Variants in SPIRE1 observed in about 807,000 individuals in gnomAD.
The protein encoded by SPIRE1 is protein spire homolog 1.
Under a neutral mutation model 94.1 loss-of-function variants are expected in SPIRE1, and 40 were observed. The ratio of observed to expected loss-of-function variants is 0.43; its 90% confidence interval spans 0.33 to 0.55. SPIRE1 has a LOEUF of 0.55. Ranked by LOEUF, SPIRE1 falls within the 20% of genes least tolerant of loss-of-function variation. The pLI, the probability that SPIRE1 is intolerant of heterozygous loss-of-function variation, is 0.06. For synonymous variants in SPIRE1, 376 were observed against 371.7 expected (o/e 1.01, Z -0.13); for missense variants, 838 against 975.2 (o/e 0.86, Z 1.87).
intron 2 of SPIRE1, among the ~76,000 whole-genome samples, chr18:12,584,611 TCA>T (rs2036342938): frequency 6.6e-6 from 1 of 151,864 alleles, no homozygotes; most frequent in African/African-American, 2.4e-5. Context: ...AAATCCATAG[TCA>T]CAATAGGAAA....
intron 4 of SPIRE1, among the ~76,000 whole-genome samples, chr18:12,515,255 C>T (rs1439908774): frequency 6.6e-6 from 1 of 151,958 alleles, no homozygotes; most frequent in Non-Finnish European, 1.5e-5. Flanking sequence ...TGACTCATGC[C>T]TATGATCCCA....
At chr18:12,574,766 G>A (rs1231712348) in intron 2 of SPIRE1, among the ~76,000 whole-genome samples, 1 of 152,228 alleles carries the variant, frequency 6.6e-6, no homozygotes, top group Admixed American at 6.5e-5. Flanking sequence ...GCCAGAGGAT[G>A]AGAAACCAAG....
At chr18:12,612,592 A>C (rs2037173610) in intron 2 of SPIRE1, among the ~76,000 whole-genome samples, 1 of 152,168 alleles carries the variant, frequency 6.6e-6, no homozygotes, top group African/African-American at 2.4e-5. Context: ...CTCTGACCCA[A>C]CTCAAGATCT....
At chr18:12,579,185 T>TCACACA (rs779546955) in intron 2 of SPIRE1, among the ~76,000 whole-genome samples, 1 of 105,658 alleles carries the variant, frequency 9.5e-6, no homozygotes. Context: ...AGGAAAAAGT[T>TCACACA]TACACACACA....
At position 12,449,709 on chromosome 18, in the gene SPIRE1, G is replaced by A; in HGVS notation, c.2200C>T (p.Gln734Ter). Reference sequence around the variant, plus strand: ...CCTGGCGAGGACATGTAGAAAGACTGCGTTTTCCTTTTCAATCGGGCCCTT... The same window carrying A: ...CCTGGCGAGGACATGTAGAAAGACTACGTTTTCCTTTTCAATCGGGCCCTT... ...NKRARLKRKT[Q>*]SFYMSSPGPS... The change falls in exon 17 of 17, where the codon CAG (glutamine) becomes TAG (stop). Residue 734 changes from glutamine (Q) to a stop codon, truncating the protein, a stop_gained. Coordinates refer to ENST00000409402, the MANE Select transcript of SPIRE1 (RefSeq NM_001128626.2). LOFTEE classifies it high-confidence loss of function. The A allele has an allele frequency of 6.2e-7, 1 of 1,614,168 alleles. No individual in the cohort carries two copies. The highest frequency in any genetic ancestry group is 8.5e-7 in the Non-Finnish European group (1 of 1,180,032).
intron 1 of SPIRE1, among the ~76,000 whole-genome samples, chr18:12,641,683 A>G (rs1157574221): frequency 1.3e-5 from 2 of 151,972 alleles, no homozygotes; most frequent in African/African-American, 4.8e-5. Flanking sequence ...ATGAATTTCT[A>G]AAGTGCAGTG....
At position 12,577,693 on chromosome 18, in the gene SPIRE1, C is replaced by T. The variant is rs181076172; in HGVS notation, c.373-30789G>A. On this transcript the variant is annotated intron_variant, in intron 2 of 16. Transcript: ENST00000409402. ...CAAAATCAAAACTTTTATCACTTCTCGGCCTTTTGGCTAAGATCATGTGTA... is the reference window on the plus strand; with the variant it reads ...CAAAATCAAAACTTTTATCACTTCTTGGCCTTTTGGCTAAGATCATGTGTA... Among the ~76,000 whole-genome samples, 4 of 152,240 alleles carry T rather than the reference C, an allele frequency of 2.6e-5. No homozygotes were observed. In the East Asian group the frequency reaches 5.8e-4, roughly 22 times the overall value.
intron 12 of SPIRE1, among the ~76,000 whole-genome samples, chr18:12,462,174 C>T (rs878980066): frequency 2.6e-5 from 4 of 152,168 alleles, no homozygotes; most frequent in Admixed American, 2.6e-4. Context: ...TTTAATTGCA[C>T]TGTTTTGGCA....
At chr18:12,566,662 T>G (rs866434024) in intron 2 of SPIRE1, among the ~76,000 whole-genome samples, 1 of 152,078 alleles carries the variant, frequency 6.6e-6, no homozygotes, top group Admixed American at 6.6e-5. Flanking sequence ...TACTAGAAAT[T>G]CTAGGGAAAC....
At chr18:12,480,071 T>C (rs1399144695) in intron 9 of SPIRE1, among the ~76,000 whole-genome samples, 200 bp from the exon 10 acceptor site, 1 of 152,208 alleles carries the variant, frequency 6.6e-6, no homozygotes, top group Non-Finnish European at 1.5e-5. Flanking sequence ...AATAATTACA[T>C]ATTCATACTT....
intron 2 of SPIRE1, among the ~76,000 whole-genome samples, chr18:12,612,937 T>C (rs2037183567): frequency 6.6e-6 from 1 of 152,158 alleles, no homozygotes; most frequent in Non-Finnish European, 1.5e-5. Flanking sequence ...AAACCCACCA[T>C]CACTACCACC....
In SPIRE1 at chr18:12,634,274, T is replaced by A. The variant is rs867589406; in HGVS notation, c.372+788A>T. Among the ~76,000 whole-genome samples the A allele has an allele frequency of 5.0e-3, 736 of 147,160 alleles. 20 individuals carry two copies. The highest frequency in any genetic ancestry group is 0.043 in the Admixed American group (635 of 14,670). On this transcript the variant is annotated intron_variant, in intron 2 of 16. Transcript: ENST00000409402. Reference sequence around the variant, plus strand: ...AAATAAAAATAAAAAAAAAAAAAAATAATAATAATAATAAACCTACTTGTA... The same window carrying A: ...AAATAAAAATAAAAAAAAAAAAAAAAAATAATAATAATAAACCTACTTGTA...
At chr18:12,579,200 T>C (rs28566710) in intron 2 of SPIRE1, among the ~76,000 whole-genome samples, 17,371 of 118,908 alleles carry the variant, frequency 0.15, 1,386 homozygotes, top group East Asian at 0.37. Context: ...CACACACACA[T>C]ACACACACAC....
At chr18:12,648,490 G>C (rs926697724) in intron 1 of SPIRE1, among the ~76,000 whole-genome samples, 3 of 152,002 alleles carry the variant, frequency 2.0e-5, no homozygotes, top group Admixed American at 6.6e-5. Context: ...ACCAGTACTT[G>C]CCAAGACTGT....
At chr18:12,454,290 G>C (rs2031397352) in intron 13 of SPIRE1, 56 bp downstream of exon 13, 2 of 1,598,640 alleles carry the variant, frequency 1.3e-6, no homozygotes, top group African/African-American at 1.3e-5. Context: ...AGGAGACTAT[G>C]CATGGGACTG....
chr18:12,658,286 G>A (rs1436142398), upstream of SPIRE1: 5 of 448,914 alleles, frequency 1.1e-5, no homozygotes, highest in East Asian at 2.3e-4. Flanking sequence ...AGAGTCGCAG[G>A]CGGTGACGCC....
intron 6 of SPIRE1, among the ~76,000 whole-genome samples, chr18:12,501,072 C>CAA (rs67894900): frequency 0.015 from 1,230 of 80,104 alleles, 39 homozygotes; most frequent in East Asian, 0.057. Flanking sequence ...AACTCTGTCT[C>CAA]AAAAAAAAAA....
intron 2 of SPIRE1, among the ~76,000 whole-genome samples, chr18:12,565,776 C>T (rs894970893): frequency 1.3e-5 from 2 of 151,948 alleles, no homozygotes; most frequent in Non-Finnish European, 2.9e-5. Context: ...TGGCTCACGC[C>T]TGTAATCCCA....
At chr18:12,462,397 T>C (rs1257478886) in intron 12 of SPIRE1, among the ~76,000 whole-genome samples, 1 of 152,236 alleles carries the variant, frequency 6.6e-6, no homozygotes, top group Non-Finnish European at 1.5e-5. Flanking sequence ...GGGTAGAATA[T>C]TAATTACAGC....
Sources: gnomAD v4.1 joint callset for allele counts (sites outside exome capture counted in the v4.1 genomes callset) on GRCh38, gnomAD v4.1.1 for gene constraint, MANE v1.5 for transcripts, NCBI Gene and HGNC (gene_info 2026-07-23, HGNC 2026-07-21) for gene names.